The following NELL1 variants were observed in gnomAD, a reference collection of about 807,000 sequenced individuals.
NELL1 encodes the protein neural EGFL like 1, also known as protein kinase C-binding protein NELL1.
Under a neutral mutation model 107.4 loss-of-function variants are expected in NELL1, and 76 were observed. That is an observed-to-expected ratio of 0.71 (90% CI 0.59 to 0.86). The LOEUF (loss-of-function observed/expected upper bound fraction) is 0.86. Ranked by LOEUF, NELL1 falls within the 40% of genes least tolerant of loss-of-function variation. The pLI is 0.00. For synonymous variants in NELL1, 353 were observed against 341.2 expected, an observed-to-expected ratio of 1.03 and a Z score of -0.38; for missense variants, 1,024 against 1,005.5, an observed-to-expected ratio of 1.02 and a Z score of -0.25.
chr11:21,003,213 G>A (rs2134276304), intron 12 of NELL1, among the ~76,000 whole-genome samples: 1 of 152,128 alleles, frequency 6.6e-6, no homozygotes, highest in African/African-American at 2.4e-5. Context: ...AGCTTTTCCT[G>A]CAAATCATGC....
chr11:21,370,844 T>G lies in NELL1; in HGVS notation c.1550-9T>G. On this transcript the variant is annotated splice_polypyrimidine_tract_variant and intron_variant, in intron 14 of 19. Coordinates refer to ENST00000357134, the MANE Select transcript of NELL1 (RefSeq NM_006157.5). The stretch of plus-strand genomic sequence containing the variant: ...TATCTAAGATAAATACTTTGTTCTC[T>G]TGCAACAGCTTTCTGTGAAGAGGGC... The G allele has an allele frequency of 6.2e-7, 1 of 1,608,980 alleles. No individual in the cohort carries two copies. The highest frequency in any genetic ancestry group is 1.1e-5 in the South Asian group (1 of 90,196).
At chr11:21,471,156 C>T (rs573096228) in intron 15 of NELL1, among the ~76,000 whole-genome samples, 15 of 151,896 alleles carry the variant, frequency 9.9e-5, no homozygotes, top group Non-Finnish European at 1.9e-4. Context: ...GGTCATAAAA[C>T]GACAAGAAGA....
At chr11:21,252,454 G>A (rs933688960) in intron 14 of NELL1, among the ~76,000 whole-genome samples, 5 of 152,100 alleles carry the variant, frequency 3.3e-5, no homozygotes, top group Non-Finnish European at 7.4e-5. Context: ...TGACACTCCC[G>A]TTTGACCATG....
intron 12 of NELL1, among the ~76,000 whole-genome samples, chr11:21,011,647 G>T (rs1386454522): frequency 1.3e-5 from 2 of 152,152 alleles, no homozygotes; most frequent in Admixed American, 6.5e-5. Flanking sequence ...ACTCTCTGCA[G>T]TTGGGCAGCA....
intron 2 of NELL1, among the ~76,000 whole-genome samples, chr11:20,771,567 T>C (rs896414641): frequency 6.6e-6 from 1 of 152,158 alleles, no homozygotes; most frequent in African/African-American, 2.4e-5. Context: ...GAAGCCTAGA[T>C]TCCTGATAGA....
intron 4 of NELL1, among the ~76,000 whole-genome samples, chr11:20,882,737 T>C (rs1242053719): frequency 2.0e-5 from 3 of 152,244 alleles, no homozygotes; most frequent in South Asian, 2.1e-4. Flanking sequence ...ACAGATCTTA[T>C]TCAAATTTTC....
rs7948988 is a variant in NELL1, at chr11:21,501,675, C to T, written c.1646-32699C>T. On this transcript the variant is annotated intron_variant, in intron 15 of 19. Coordinates refer to ENST00000357134, the MANE Select transcript of NELL1 (RefSeq NM_006157.5). Reference sequence around the variant, plus strand: ...ACAAATATGTCATGAATGACAAAAACGCTTTGCAGCTTATTACTTTGCAGC... The same window carrying T: ...ACAAATATGTCATGAATGACAAAAATGCTTTGCAGCTTATTACTTTGCAGC... Among the ~76,000 whole-genome samples, 310 of 152,234 alleles carry T rather than the reference C, an allele frequency of 2.0e-3. 2 individuals carry two copies. The highest frequency in any genetic ancestry group is 6.8e-3 in the African/African-American group (283 of 41,558).
At chr11:21,326,309 A>G (rs1198141585) in intron 14 of NELL1, among the ~76,000 whole-genome samples, 1 of 150,742 alleles carries the variant, frequency 6.6e-6, no homozygotes, top group Non-Finnish European at 1.5e-5. Context: ...TTGTTTTTCC[A>G]ATGGTTGCTC....
intron 15 of NELL1, among the ~76,000 whole-genome samples, chr11:21,422,696 G>T (rs563398047): frequency 1.4e-4 from 21 of 151,784 alleles, no homozygotes; most frequent in Admixed American, 3.9e-4. Flanking sequence ...TACACAAAAA[G>T]AAATAAGAAG....
intron 3 of NELL1, among the ~76,000 whole-genome samples, chr11:20,827,587 C>T (rs1300147382): frequency 6.6e-6 from 1 of 151,058 alleles, no homozygotes; most frequent in Non-Finnish European, 1.5e-5. Context: ...GTCTTTATTC[C>T]AGCAACCAGA....
rs181972794 is a variant in NELL1, at chr11:21,349,179, T to C, written c.1550-21674T>C. 2.6e-5 allele frequency among the ~76,000 whole-genome samples: 4 copies of C among 152,260 alleles called. No homozygotes were observed. The East Asian group carries it at 7.7e-4, about 29-fold the overall frequency. The stretch of plus-strand genomic sequence containing the variant: ...GAAAATAACAAGAGGAAAAAAAAAT[T>C]CTTGCTTTTAAGGCAACTGGTATAT... On this transcript the variant is annotated intron_variant, in intron 14 of 19. Transcript: ENST00000357134.
Position 21,044,265 on chromosome 11 carries a change from A to G in NELL1, c.1301-69324A>G, listed in dbSNP as rs1046628178. Among the ~76,000 whole-genome samples the G allele has an allele frequency of 5.9e-5, 9 of 152,174 alleles. 1 individual carries two copies. The highest frequency in any genetic ancestry group is 4.6e-4 in the Admixed American group (7 of 15,258). On this transcript the variant is annotated intron_variant, in intron 12 of 19. Transcript: ENST00000357134. The stretch of plus-strand genomic sequence containing the variant: ...ATTCTGTCAAATGCTGCTGAGATAC[A>G]TTAGGAGATCAGAAACATATCTACT...
chr11:21,145,373 A>G (rs1239394040), intron 13 of NELL1, among the ~76,000 whole-genome samples: 1 of 152,208 alleles, frequency 6.6e-6, no homozygotes, highest in African/African-American at 2.4e-5. Context: ...TAGGTACCTG[A>G]CATTTGCTAA....
chr11:21,309,289 T>TATA (rs1849689935), intron 14 of NELL1, among the ~76,000 whole-genome samples: 3 of 112,868 alleles, frequency 2.7e-5, no homozygotes, highest in Non-Finnish European at 3.5e-5. Context: ...TGTATATATA[T>TATA]ATATATATAT....
chr11:21,522,902 T>G (rs1330348524), intron 15 of NELL1, among the ~76,000 whole-genome samples: 3 of 135,898 alleles, frequency 2.2e-5, no homozygotes, highest in Non-Finnish European at 3.1e-5. Context: ...GTGCAGTGGC[T>G]CGATCTTGGC....
intron 13 of NELL1, among the ~76,000 whole-genome samples, chr11:21,196,676 A>G (rs1451415956): frequency 6.6e-6 from 1 of 151,886 alleles, no homozygotes; most frequent in Non-Finnish European, 1.5e-5. Context: ...CCTTAATTAC[A>G]TATTACATGT....
intron 13 of NELL1, among the ~76,000 whole-genome samples, chr11:21,215,239 G>C (rs902134275): frequency 2.0e-5 from 3 of 152,096 alleles, no homozygotes; most frequent in Non-Finnish European, 4.4e-5. Context: ...TCTCCTTGTG[G>C]CCACCATGTA....
chr11:21,340,209 A>G (rs754700470), intron 14 of NELL1, among the ~76,000 whole-genome samples: 3 of 151,964 alleles, frequency 2.0e-5, no homozygotes, highest in African/African-American at 4.8e-5. Context: ...CTGGAGTGCA[A>G]TGGCGCGATC....
At chr11:21,086,983 C>T (rs899349034) in intron 12 of NELL1, among the ~76,000 whole-genome samples, 3 of 151,864 alleles carry the variant, frequency 2.0e-5, no homozygotes, top group African/African-American at 7.3e-5. Flanking sequence ...GGACTACAGG[C>T]GTGTGTCACC....
Sources: gnomAD v4.1 joint callset for allele counts (sites outside exome capture counted in the v4.1 genomes callset) on GRCh38, gnomAD v4.1.1 for gene constraint, MANE v1.5 for transcripts, NCBI Gene and HGNC (gene_info 2026-07-23, HGNC 2026-07-21) for gene names.